CEP112: variants seen among roughly 807,000 people sequenced by gnomAD.
CEP112 encodes centrosomal protein of 112 kDa.
CEP112 carries 127 observed loss-of-function variants against 153.0 expected under a neutral mutation model. The observed-to-expected ratio is 0.83, with a 90% CI of 0.72 to 0.96. The LOEUF (loss-of-function observed/expected upper bound fraction) is 0.96. CEP112 is among the 40% of genes least tolerant of loss of function. The pLI is 0.00. For synonymous variants in CEP112, 358 were observed against 374.4 expected, an observed-to-expected ratio of 0.96 and a Z score of 0.51; for missense variants, 1,089 against 1,101.2, an observed-to-expected ratio of 0.99 and a Z score of 0.16.
intron 20 of CEP112, among the ~76,000 whole-genome samples, chr17:65,885,724 T>C (rs2059252546): frequency 6.6e-6 from 1 of 152,242 alleles, no homozygotes; most frequent in African/African-American, 2.4e-5. Flanking sequence ...AAACTGTTTT[T>C]CCTTGTATTG....
chr17:65,698,194 G>A (rs980908010), intron 23 of CEP112, among the ~76,000 whole-genome samples: 4 of 151,952 alleles, frequency 2.6e-5, no homozygotes, highest in Non-Finnish European at 4.4e-5. Context: ...TTCCTTCCAC[G>A]TGAAAACTTT....
chr17:66,044,860 G>T (rs955066355), intron 12 of CEP112, among the ~76,000 whole-genome samples: 1 of 151,830 alleles, frequency 6.6e-6, no homozygotes, highest in Non-Finnish European at 1.5e-5. Flanking sequence ...TTCATGTTAC[G>T]TCTATTCAAT....
chr17:65,896,786 TATACAGAAAGTTCC>T (rs2059675223), intron 20 of CEP112, among the ~76,000 whole-genome samples: 1 of 152,100 alleles, frequency 6.6e-6, no homozygotes, highest in Non-Finnish European at 1.5e-5. Flanking sequence ...ATTTTGAATA[TATACAGAAAGTTCC>T]TGGGCTATCT....
intron 21 of CEP112, among the ~76,000 whole-genome samples, chr17:65,787,085 C>T (rs937952025): frequency 6.6e-6 from 1 of 152,134 alleles, no homozygotes; most frequent in African/African-American, 2.4e-5. Flanking sequence ...TGTACCAGTG[C>T]CAAACTACTA....
Position 65,951,749 on chromosome 17 carries a change from C to CG in CEP112, c.1872+9713_1872+9714insC, listed in dbSNP as rs371338724. ...TCTGCTCTAATCTTCCCCCGCCCCC[C>CG]CCTTTCTTCCACTTGCTTAGAAGCT... On this transcript the variant is annotated intron_variant, in intron 18 of 26. Transcript: ENST00000535342. Among the ~76,000 whole-genome samples, 12 of 106,148 alleles carry CG rather than the reference C, an allele frequency of 1.1e-4. 1 individual carries two copies. Among genetic ancestry groups the CG allele is most frequent in the Admixed American group, 4.5e-4 (4 of 8,792 alleles). 69.6% of individuals were successfully genotyped at this position (106,148 alleles called of 152,430 possible).
intron 21 of CEP112, among the ~76,000 whole-genome samples, chr17:65,794,106 C>T (rs11653120): frequency 0.14 from 21,572 of 152,118 alleles, 1,582 homozygotes; most frequent in Non-Finnish European, 0.17. Context: ...GTGAACAAAA[C>T]GGGCAAAATT....
intron 22 of CEP112, among the ~76,000 whole-genome samples, chr17:65,750,186 T>C (rs1361436622): frequency 6.6e-6 from 1 of 152,230 alleles, no homozygotes; most frequent in East Asian, 1.9e-4. Flanking sequence ...CTCTTTGTCC[T>C]AAAAAGAGTC....
At chr17:65,821,496 T>TTATATATATATATATAATTATATA (rs1320558542) in intron 21 of CEP112, among the ~76,000 whole-genome samples, 1 of 121,426 alleles carries the variant, frequency 8.2e-6, no homozygotes, top group Admixed American at 9.1e-5. Flanking sequence ...ATATATATAA[T>TTATATATATATATATAATTATATA]TATATATATA....
At position 65,978,082 on chromosome 17, in the gene CEP112, A is replaced by T. The variant is rs189028367; in HGVS notation, c.1737-16484T>A. On this transcript the variant is annotated intron_variant, in intron 17 of 26. Transcript: ENST00000535342. ...AAGAGTAAGACTTTGTCTCAAAAAA[A>T]TTTTTTTAAATAAAAAATAAAATAA... 2.6e-4 allele frequency among the ~76,000 whole-genome samples: 40 copies of T among 152,076 alleles called. No individual in the cohort carries two copies. The East Asian group carries it at 2.7e-3, about 10-fold the overall frequency.
At chr17:65,662,222 A>C (rs1289559594) in intron 24 of CEP112, among the ~76,000 whole-genome samples, 2 of 152,180 alleles carry the variant, frequency 1.3e-5, no homozygotes, top group African/African-American at 4.8e-5. Context: ...CCACTTAGAC[A>C]TACATGAAAG....
At chr17:65,654,406 G>A (rs772717976) in intron 24 of CEP112, among the ~76,000 whole-genome samples, 10 of 152,042 alleles carry the variant, frequency 6.6e-5, no homozygotes, top group African/African-American at 1.7e-4. Flanking sequence ...CAAACTAAGC[G>A]TGCAGCGCAA....
At chr17:65,943,415 C>T (rs369360697) in intron 18 of CEP112, among the ~76,000 whole-genome samples, 11 of 152,146 alleles carry the variant, frequency 7.2e-5, no homozygotes, top group Non-Finnish European at 1.3e-4. Context: ...AACAAAACAA[C>T]AAGCCTAACA....
At chr17:65,975,151 A>G (rs1422047581) in intron 17 of CEP112, among the ~76,000 whole-genome samples, 1 of 152,234 alleles carries the variant, frequency 6.6e-6, no homozygotes, top group East Asian at 1.9e-4. Flanking sequence ...AAGAACTCTT[A>G]GACTCTAGTT....
intron 23 of CEP112, among the ~76,000 whole-genome samples, chr17:65,714,361 A>C (rs2049374223): frequency 6.6e-6 from 1 of 152,184 alleles, no homozygotes; most frequent in South Asian, 2.1e-4. Context: ...TCAAAATGTG[A>C]AAAAGTCAAC....
chr17:65,896,492 CTAAA>C (rs1487142918), intron 20 of CEP112, among the ~76,000 whole-genome samples: 4 of 151,838 alleles, frequency 2.6e-5, no homozygotes, highest in African/African-American at 7.3e-5. Context: ...TTTCTGCTAA[CTAAA>C]TACTTAAGAA....
At chr17:65,908,235 G>T (rs2060153959) in intron 19 of CEP112, among the ~76,000 whole-genome samples, 1 of 152,154 alleles carries the variant, frequency 6.6e-6, no homozygotes, top group South Asian at 2.1e-4. Context: ...AAAGAAGACT[G>T]GCATGTCTTC....
At chr17:66,003,404 A>T (rs2064141378) in intron 17 of CEP112, among the ~76,000 whole-genome samples, 1 of 152,198 alleles carries the variant, frequency 6.6e-6, no homozygotes, top group Non-Finnish European at 1.5e-5. Flanking sequence ...TTATATACAT[A>T]AACTCCTAAT....
chr17:65,932,260 G>A lies in CEP112; in HGVS notation c.1873-4571C>T, dbSNP rs536446374. Among the ~76,000 whole-genome samples, 20 of 152,262 alleles carry A rather than the reference G, an allele frequency of 1.3e-4. 1 individual carries two copies. The South Asian group carries it at 4.1e-3, about 32-fold the overall frequency. On this transcript the variant is annotated intron_variant, in intron 18 of 26. Transcript: ENST00000535342. ...TCTTAGGCTAGACTAAATATTGAAAGTGTCCATCCCCACCAAAGGACATCT... is the reference window on the plus strand; with the variant it reads ...TCTTAGGCTAGACTAAATATTGAAAATGTCCATCCCCACCAAAGGACATCT...
At chr17:65,752,948 G>C in intron 21 of CEP112, among the ~76,000 whole-genome samples, 1 of 151,932 alleles carries the variant, frequency 6.6e-6, no homozygotes, top group East Asian at 1.9e-4. Context: ...AATTTATCTG[G>C]GCTACAGGCT....
Sources: gnomAD v4.1 joint callset for allele counts (sites outside exome capture counted in the v4.1 genomes callset) on GRCh38, gnomAD v4.1.1 for gene constraint, MANE v1.5 for transcripts, NCBI Gene and HGNC (gene_info 2026-07-23, HGNC 2026-07-21) for gene names.